Variants in ATP8B1 observed in about 807,000 individuals in gnomAD.
The protein encoded by ATP8B1 is phospholipid-transporting ATPase IC.
In ATP8B1, 80 loss-of-function variants were observed where a neutral mutation model predicts 149.9. The ratio of observed to expected loss-of-function variants is 0.53; its 90% CI spans 0.45 to 0.64. ATP8B1 has a LOEUF of 0.64. Among genes scored for constraint, ATP8B1 ranks in the 30% least tolerant of loss-of-function variants. The pLI, the probability that ATP8B1 is intolerant of heterozygous loss-of-function variation, is 0.00. For synonymous variants in ATP8B1, 536 were observed against 562.8 expected (o/e 0.95, Z 0.67); for missense variants, 1,247 against 1,552.6 (o/e 0.80, Z 3.31).
In ATP8B1 at chr18:57,784,479, T is replaced by C. The variant is rs547111002; in HGVS notation, c.-26+18519A>G. Among the ~76,000 whole-genome samples, 2 of 151,758 alleles carry C rather than the reference T, an allele frequency of 1.3e-5. No individual in the cohort carries two copies. The highest frequency in any genetic ancestry group is 2.9e-5 in the Non-Finnish European group (2 of 67,950). On this transcript the variant is annotated intron_variant, in intron 1 of 27. Transcript: ENST00000648908. The surrounding 1 kb of genome is among the most constrained non-coding windows in gnomAD (Gnocchi z 4.4). ...AGGTGGAGTCAAGGTCTTCCAGAGG[T>C]AGAAGCAACAGGCCTTGGAGACGGA...
At chr18:57,653,906 G>T in intron 24 of ATP8B1, 86 bp downstream of exon 24, 2 of 1,206,260 alleles carry the variant, frequency 1.7e-6, no homozygotes, top group East Asian at 2.4e-5. Context: ...GTAAACACCA[G>T]AAGAATGCAT....
At position 57,688,239 on chromosome 18, in the gene ATP8B1, T is replaced by C. The variant is rs1047319841; in HGVS notation, c.1429+60A>G. On this transcript the variant is annotated intron_variant, in intron 13 of 27. Coordinates refer to ENST00000648908, the MANE Select transcript of ATP8B1 (RefSeq NM_001374385.1). ...AGGAGACAGGCTATAGTCCAAGTAA[T>C]GACCTGCACACGGCAGGCAGCCCCA... 7 of 1,536,702 alleles carry C rather than the reference T, an allele frequency of 4.6e-6. No homozygotes were observed. The African/African-American group carries it at 8.2e-5, about 18-fold the overall frequency.
intron 1 of ATP8B1, among the ~76,000 whole-genome samples, chr18:57,779,667 AG>A (rs2080340556): frequency 6.6e-6 from 1 of 152,180 alleles, no homozygotes; most frequent in African/African-American, 2.4e-5. Flanking sequence ...TGGGAGGCCG[AG>A]GCGGGTAGGT....
At chr18:57,672,369 A>G (rs972880076) in intron 16 of ATP8B1, among the ~76,000 whole-genome samples, 1 of 152,208 alleles carries the variant, frequency 6.6e-6, no homozygotes, top group African/African-American at 2.4e-5. Flanking sequence ...ATTTTAAATC[A>G]AGGTAGATGG....
chr18:57,799,858 A>G (rs1320944866), intron 1 of ATP8B1, among the ~76,000 whole-genome samples: 1 of 152,188 alleles, frequency 6.6e-6, no homozygotes, highest in Non-Finnish European at 1.5e-5. Flanking sequence ...GAGGACCTCA[A>G]AAGATCTTAG....
chr18:57,653,693 T>C (rs1310805923), intron 24 of ATP8B1, among the ~76,000 whole-genome samples: 2 of 148,858 alleles, frequency 1.3e-5, no homozygotes, highest in Non-Finnish European at 1.5e-5. Context: ...TTTTTTTTTT[T>C]TTTTTTTTTT....
intron 6 of ATP8B1, 35 bp downstream of exon 6, chr18:57,701,004 A>C (rs1403960079): frequency 5.7e-6 from 9 of 1,572,592 alleles, no homozygotes; most frequent in Non-Finnish European, 7.9e-6. Flanking sequence ...TATGCATTAC[A>C]TCCTTGAAAC....
chr18:57,785,801 TG>T (rs1267190976), intron 1 of ATP8B1, among the ~76,000 whole-genome samples: 1 of 152,204 alleles, frequency 6.6e-6, no homozygotes, highest in African/African-American at 2.4e-5. Context: ...CCACCGTACC[TG>T]GCCGTAAGTA....
At chr18:57,723,027 A>G (rs1336888166) in intron 2 of ATP8B1, among the ~76,000 whole-genome samples, 16 of 150,862 alleles carry the variant, frequency 1.1e-4, no homozygotes, top group Non-Finnish European at 1.9e-4. Flanking sequence ...ATGCAGAAAA[A>G]GCCTTTGACA....
At chr18:57,695,118 C>G (rs2087046003) in intron 10 of ATP8B1, 53 bp downstream of exon 10, 5 of 1,571,382 alleles carry the variant, frequency 3.2e-6, no homozygotes, top group Non-Finnish European at 3.5e-6. Context: ...GCAATCCCCT[C>G]TAAGTCTTTA....
At position 57,802,824 on chromosome 18, in the gene ATP8B1, C is replaced by T. The variant is rs2080594684; in HGVS notation, c.-26+174G>A. 6.6e-6 allele frequency among the ~76,000 whole-genome samples: 1 copy of T among 152,238 alleles called. No homozygotes were observed. The highest frequency in any genetic ancestry group is 1.5e-5 in the Non-Finnish European group (1 of 68,036). ...CCCGAGGCCTCGGGGGCTCCCAGCA[C>T]CTCCACCCAAATCCCACCTGTGCGG... On this transcript the variant is annotated intron_variant, in intron 1 of 27. Transcript: ENST00000648908. The surrounding 1 kb of genome is among the most constrained non-coding windows in gnomAD (Gnocchi z 4.9).
Position 57,668,510 on chromosome 18 carries a change from G to A in ATP8B1, c.2128C>T (p.Leu710=), listed in dbSNP as rs780757600. Residue 710 remains leucine, a synonymous_variant, in exon 19 of 28, where the codon CTA becomes TTA. Coordinates refer to ENST00000648908, the MANE Select transcript of ATP8B1 (RefSeq NM_001374385.1). ...LLGATAIEDK[L]QDGVPETISK... ...ATGGTTTCTGGAACTCCATCCTGTA[G>A]CTTGTCTTCAATAGCTGTAGCTCCC... The A allele has an allele frequency of 6.7e-7, 1 of 1,491,792 alleles. No individual in the cohort carries two copies. The highest frequency in any genetic ancestry group is 1.8e-5 in the Admixed American group (1 of 54,834). The allele number at this position is 1,491,792 out of a possible 1,614,324, so 92.4% of individuals were successfully genotyped here. A position where few individuals can be genotyped will look rare whatever the true frequency, so the allele number is the denominator to read the frequency against.
At chr18:57,700,267 T>C (rs1356556707) in intron 6 of ATP8B1, among the ~76,000 whole-genome samples, 1 of 152,154 alleles carries the variant, frequency 6.6e-6, no homozygotes, top group Non-Finnish European at 1.5e-5. Flanking sequence ...GAGTTAAGAA[T>C]TGTATACTAA....
At chr18:57,758,017 T>TA (rs2080101990) in intron 1 of ATP8B1, among the ~76,000 whole-genome samples, 1 of 151,996 alleles carries the variant, frequency 6.6e-6, no homozygotes, top group Admixed American at 6.6e-5. Context: ...AAATATAACT[T>TA]AAAAAAATAG....
In ATP8B1 at chr18:57,744,589, G is replaced by A. The variant is rs370418293; in HGVS notation, c.-25-12757C>T. 4.2e-4 allele frequency among the ~76,000 whole-genome samples: 64 copies of A among 152,220 alleles called. 1 individual carries two copies. In the South Asian group the frequency reaches 0.012, roughly 28 times the overall value. On this transcript the variant is annotated intron_variant, in intron 1 of 27. Transcript: ENST00000648908. ...ACCCTGGTTATTTTTACGTTCAAGC[G>A]TCATCCTTAGTTGTTAGGGACAATG...
chr18:57,694,518 C>T (rs1032770963), intron 11 of ATP8B1, 64 bp downstream of exon 11: 25 of 1,115,076 alleles, frequency 2.2e-5, no homozygotes, highest in African/African-American at 6.2e-5. Flanking sequence ...GAAAAACATA[C>T]GATAATATTA....
chr18:57,753,926 T>C (rs2080048746), intron 1 of ATP8B1, among the ~76,000 whole-genome samples: 1 of 102,220 alleles, frequency 9.8e-6, no homozygotes, highest in Admixed American at 1.2e-4. Flanking sequence ...AACAAGACTC[T>C]GTCTCAAAAA....
intron 12 of ATP8B1, among the ~76,000 whole-genome samples, chr18:57,689,833 T>C (rs1253191478): frequency 1.3e-5 from 2 of 152,110 alleles, no homozygotes; most frequent in African/African-American, 4.8e-5. Context: ...CTGACCAACA[T>C]GGTGAAACCC....
chr18:57,646,946 C>T lies in ATP8B1; in HGVS notation c.*1542G>A, dbSNP rs1457510135. The T allele has an allele frequency of 6.6e-6, 1 of 152,238 alleles. No homozygotes were observed. Among genetic ancestry groups the T allele is most frequent in the African/African-American group, 2.4e-5 (1 of 41,436 alleles). 9.4% of individuals were successfully genotyped at this position (152,238 alleles called of 1,614,324 possible). ...AATGTCTGGAAAAAAATTACTTTCT[C>T]CTCTTTGAGGAGTTTCCATAATTAC... On this transcript the variant is annotated 3_prime_UTR_variant, in exon 28 of 28. Coordinates refer to ENST00000648908, the MANE Select transcript of ATP8B1 (RefSeq NM_001374385.1).
Sources: allele counts gnomAD v4.1 joint callset (sites outside exome capture counted in the v4.1 genomes callset), GRCh38; gene constraint gnomAD v4.1.1; non-coding constraint Gnocchi (gnomAD v3.1); transcripts MANE v1.5; gene names NCBI Gene and HGNC (gene_info 2026-07-23, HGNC 2026-07-21).